The following N4BP2 variants were observed in gnomAD, a reference collection of about 807,000 sequenced individuals.
N4BP2 encodes NEDD4-binding protein 2.
A neutral mutation model predicts 152.8 loss-of-function variants in N4BP2; 91 were observed. The ratio of observed to expected loss-of-function variants is 0.60; its 90% confidence interval spans 0.50 to 0.71. The LOEUF is 0.71. Ranked by LOEUF, N4BP2 falls within the 30% of genes least tolerant of loss-of-function variation. The pLI is 0.00. For synonymous variants in N4BP2, 646 were observed against 705.3 expected (o/e 0.92, Z 1.33); for missense variants, 1,923 against 2,059.1 (o/e 0.93, Z 1.28).
chr4:40,183,878 G>T, the N4BP2 span, among the ~76,000 whole-genome samples: 1 of 152,152 alleles, frequency 6.6e-6, no homozygotes, highest in Non-Finnish European at 1.5e-5. Flanking sequence ...AACCTTCAAG[G>T]CATCTAATTC....
chr4:40,114,794 T>C (rs1717202335), intron 7 of N4BP2, among the ~76,000 whole-genome samples: 2 of 152,206 alleles, frequency 1.3e-5, no homozygotes, highest in African/African-American at 4.8e-5. Context: ...TTAAAAATTC[T>C]TTGGATCTGA....
chr4:40,187,619 C>T, the N4BP2 span, among the ~76,000 whole-genome samples: 1 of 152,188 alleles, frequency 6.6e-6, no homozygotes, highest in East Asian at 1.9e-4. Flanking sequence ...TGTGCCCAGC[C>T]TAAGATGCAT....
At position 40,120,433 on chromosome 4, in the gene N4BP2, G is replaced by A. The variant is rs1181388781; in HGVS notation, c.2322G>A (p.Ser774=). 3 of 1,613,692 alleles carry A rather than the reference G, an allele frequency of 1.9e-6. No individual in the cohort carries two copies. Among genetic ancestry groups the A allele is most frequent in the African/African-American group, 1.3e-5 (1 of 74,912 alleles). The change falls in exon 9 of 18, where the codon TCG becomes TCA. Residue 774 remains serine (S), a synonymous_variant. Coordinates refer to ENST00000261435, the MANE Select transcript of N4BP2 (RefSeq NM_018177.6). ...KKAFGKQKSK[S]TLEKFPRHEL... ...CCTTTGGGAAACAAAAAAGCAAATC[G>A]ACTTTGGAAAAGTTCCCAAGACATG...
chr4:40,097,418 T>C lies in N4BP2; in HGVS notation c.78T>C (p.Ser26=), dbSNP rs1048774616. ...TANPKEVVVS[S]VASREEPTTT... is the part of the protein sequence containing the mutation. ...ACCCTAAGGAAGTTGTCGTATCCAGTGTTGCTAGTCGTGAGGAGCCAACCA... is the reference window on the plus strand; with the variant it reads ...ACCCTAAGGAAGTTGTCGTATCCAGCGTTGCTAGTCGTGAGGAGCCAACCA... Residue 26 remains serine (S), a synonymous_variant, in exon 3 of 18, where the codon AGT becomes AGC. Coordinates refer to ENST00000261435, the MANE Select transcript of N4BP2 (RefSeq NM_018177.6). The C allele has an allele frequency of 1.9e-6, 3 of 1,614,138 alleles. No individual in the cohort carries two copies. The highest frequency in any genetic ancestry group is 2.5e-6 in the Non-Finnish European group (3 of 1,179,998).
chr4:40,119,192 G>A (rs1457254067), intron 8 of N4BP2, among the ~76,000 whole-genome samples: 5 of 152,100 alleles, frequency 3.3e-5, no homozygotes, highest in Non-Finnish European at 7.4e-5. Flanking sequence ...TTATGAATTA[G>A]TACATGCAAG....
intron 2 of N4BP2, among the ~76,000 whole-genome samples, chr4:40,094,758 G>GC (rs1295946152): frequency 6.6e-6 from 1 of 151,446 alleles, no homozygotes; most frequent in Non-Finnish European, 1.5e-5. Flanking sequence ...CTCCATGTTG[G>GC]TCAGGCTGGT....
At chr4:40,065,855 A>T (rs558113323) in intron 1 of N4BP2, among the ~76,000 whole-genome samples, 38 of 152,072 alleles carry the variant, frequency 2.5e-4, no homozygotes, top group African/African-American at 8.9e-4. Context: ...GATATGATAC[A>T]TGCGCAGTTA....
In N4BP2 at chr4:40,152,796, T is replaced by C. The variant is rs1429729766; in HGVS notation, c.5160T>C (p.Gly1720=). 6.2e-6 allele frequency: 10 copies of C among 1,613,860 alleles called. No homozygotes were observed. The Admixed American group carries it at 1.2e-4, about 19-fold the overall frequency. ...EKKTEEFKQN[G]GKPYLSVITG... is the part of the protein sequence containing the mutation. ...TTGTAACAGAATTTAAGCAGAACGG[T>C]GGGAAGCCCTATTTGTCTGTGATTA... Residue 1720 remains glycine (G), a synonymous_variant, in exon 17 of 18, where the codon GGT becomes GGC. Transcript: ENST00000261435.
At chr4:40,059,688 A>G (rs1427583042) in intron 1 of N4BP2, among the ~76,000 whole-genome samples, 2 of 152,070 alleles carry the variant, frequency 1.3e-5, no homozygotes, top group Non-Finnish European at 2.9e-5. Context: ...CTTGCCTGAT[A>G]ATGAGTAAGC....
rs149362796 is a variant in N4BP2 at position 40,120,633 on chromosome 4, G to A, written c.2522G>A (p.Arg841Gln). Residue 841 changes from arginine (R) to glutamine (Q), a missense_variant, in exon 9 of 18, where the codon CGA (arginine) becomes CAA (glutamine). By Grantham distance (43) the Arg-to-Gln change is conservative. Coordinates refer to ENST00000261435, the MANE Select transcript of N4BP2 (RefSeq NM_018177.6). ...VSVNTDCVQQRGSPHESVEDG... is the reference protein window; with the variant it reads ...VSVNTDCVQQQGSPHESVEDG... Reference sequence around the variant, plus strand: ...GTGAATACAGATTGTGTCCAGCAACGAGGATCTCCACATGAAAGTGTAGAG... The same window carrying A: ...GTGAATACAGATTGTGTCCAGCAACAAGGATCTCCACATGAAAGTGTAGAG... 6.6e-5 allele frequency: 107 copies of A among 1,613,988 alleles called. No homozygotes were observed. The African/African-American group carries it at 1.1e-3, about 17-fold the overall frequency.
intron 2 of N4BP2, chr4:40,083,164 C>T (rs1713575318): frequency 6.4e-6 from 1 of 156,178 alleles, no homozygotes; most frequent in South Asian, 1.9e-4. Context: ...AAAACAAACC[C>T]AAAACAAAAC....
Position 40,113,412 on chromosome 4 carries a change from T to C in N4BP2, c.1588-20T>C. The C allele has an allele frequency of 6.5e-7, 1 of 1,529,238 alleles. No homozygotes were observed. Among genetic ancestry groups the C allele is most frequent in the Non-Finnish European group, 9.0e-7 (1 of 1,110,502 alleles). The allele number at this position is 1,529,238 out of a possible 1,614,324, so 94.7% of individuals were successfully genotyped here. On this transcript the variant is annotated intron_variant, in intron 6 of 17. Transcript: ENST00000261435. The stretch of plus-strand genomic sequence containing the variant: ...TTGGAAATACCTATTTTAAAATGTT[T>C]TTGTCTTTGTTGTATGTAGTCTCAG...
Position 40,078,517 on chromosome 4 carries a change from T to G in N4BP2, c.-115+4966T>G, listed in dbSNP as rs918631462. Among the ~76,000 whole-genome samples, 8 of 141,022 alleles carry G rather than the reference T, an allele frequency of 5.7e-5. No homozygotes were observed. The Admixed American group carries it at 5.7e-4, about 10-fold the overall frequency. 92.5% of individuals were successfully genotyped at this position (141,022 alleles called of 152,430 possible). A position where few individuals can be genotyped will look rare whatever the true frequency, so the allele number is the denominator to read the frequency against. On this transcript the variant is annotated intron_variant, in intron 2 of 17. Transcript: ENST00000261435. ...CATAGCAAACTTGGAATTAATATCC[T>G]TTTTTTTTTTTTACTTTTTTTCTTT... is the stretch of plus-strand genomic sequence containing the variant.
chr4:40,145,681 GAATT>G (rs1220834343), intron 16 of N4BP2, among the ~76,000 whole-genome samples: 1 of 152,120 alleles, frequency 6.6e-6, no homozygotes, highest in Non-Finnish European at 1.5e-5. Flanking sequence ...TATAGAGGAT[GAATT>G]AATAGTGTTT....
At chr4:40,145,292 C>T (rs1183953708) in intron 16 of N4BP2, among the ~76,000 whole-genome samples, 5 of 151,896 alleles carry the variant, frequency 3.3e-5, no homozygotes, top group Non-Finnish European at 7.4e-5. Flanking sequence ...GGTGCCATCT[C>T]GGTTCACTGC....
intron 16 of N4BP2, 62 bp downstream of exon 16, chr4:40,144,862 C>G (rs1024499837): frequency 4.3e-6 from 6 of 1,379,884 alleles, no homozygotes; most frequent in Non-Finnish European, 4.9e-6. Context: ...ATTGGTATAG[C>G]TTGCAAATTC....
intron 3 of N4BP2, among the ~76,000 whole-genome samples, chr4:40,097,956 C>T (rs543081070): frequency 4.6e-5 from 7 of 152,234 alleles, no homozygotes; most frequent in Admixed American, 2.6e-4. Context: ...GCCAATAGCT[C>T]CTTACCACCC....
rs532254257 is a variant in N4BP2, at chr4:40,141,649, G to A, written c.4786-1024G>A. Among the ~76,000 whole-genome samples the A allele has an allele frequency of 2.4e-3, 367 of 152,174 alleles. 7 individuals carry two copies. The highest frequency in any genetic ancestry group is 0.021 in the Admixed American group (321 of 15,288). On this transcript the variant is annotated intron_variant, in intron 14 of 17. Coordinates refer to ENST00000261435, the MANE Select transcript of N4BP2 (RefSeq NM_018177.6). ...CTCCTCACGTCCCAGATGATGGGCG[G>A]CCAGGCAGAGACGCTCCTCACTTCC...
chr4:40,173,917 T>C, the N4BP2 span, among the ~76,000 whole-genome samples: 1 of 152,156 alleles, frequency 6.6e-6, no homozygotes, highest in Non-Finnish European at 1.5e-5. Context: ...AAATAGAAAG[T>C]ACGGATTTGA....
Sources: allele counts gnomAD v4.1 joint callset (sites outside exome capture counted in the v4.1 genomes callset), GRCh38; gene constraint gnomAD v4.1.1; transcripts MANE v1.5; gene names NCBI Gene and HGNC (gene_info 2026-07-23, HGNC 2026-07-21).